Variants in TRABD2B observed in about 807,000 individuals in gnomAD.
TRABD2B encodes metalloprotease TIKI2.
TRABD2B carries 14 observed loss-of-function variants against 40.1 expected under a neutral mutation model. That is an observed-to-expected ratio of 0.35 (90% CI 0.23 to 0.55). The LOEUF is 0.55. Ranked by LOEUF, TRABD2B falls within the 20% of genes least tolerant of loss-of-function variation. TRABD2B has a pLI of 0.90. For synonymous variants in TRABD2B, 263 were observed against 277.0 expected, an observed-to-expected ratio of 0.95 and a Z score of 0.50; for missense variants, 541 against 648.6, an observed-to-expected ratio of 0.83 and a Z score of 1.80.
At chr1:47,885,239 T>C (rs913841565) in intron 2 of TRABD2B, among the ~76,000 whole-genome samples, 6 of 152,246 alleles carry the variant, frequency 3.9e-5, no homozygotes, top group Non-Finnish European at 5.9e-5. Flanking sequence ...CCTACTCACT[T>C]AACCAACTCC....
In TRABD2B at chr1:47,974,108, G is replaced by A. The variant is rs534443296; in HGVS notation, c.666+19926C>T. ...TAGGGAACAGAGTAAGATTCTGTCTGCATCTCCTCCAAAAAGTAAATTAGA... is the reference window on the plus strand; with the variant it reads ...TAGGGAACAGAGTAAGATTCTGTCTACATCTCCTCCAAAAAGTAAATTAGA... On this transcript the variant is annotated intron_variant, in intron 2 of 6. Transcript: ENST00000606738. Among the ~76,000 whole-genome samples the A allele has an allele frequency of 2.6e-4, 39 of 152,236 alleles. 1 individual carries two copies. The South Asian group carries it at 8.1e-3, about 32-fold the overall frequency.
chr1:47,761,699 A>G lies in TRABD2B; in HGVS notation c.*4203T>C, dbSNP rs1289880357. On this transcript the variant is annotated 3_prime_UTR_variant, in exon 7 of 7. Transcript: ENST00000606738. Reference sequence around the variant, plus strand: ...ATGTCAACTCTCCTACCACTTCTTCAGCCAGTGGGCACACTGCCCCTGCTC... The same window carrying G: ...ATGTCAACTCTCCTACCACTTCTTCGGCCAGTGGGCACACTGCCCCTGCTC... 1 of 152,292 alleles carries G rather than the reference A, an allele frequency of 6.6e-6. No homozygotes were observed. Among genetic ancestry groups the G allele is most frequent in the Non-Finnish European group, 1.5e-5 (1 of 68,080 alleles). The allele number at this position is 152,292 out of a possible 1,614,324, so 9.4% of individuals were successfully genotyped here.
At chr1:47,952,842 G>A (rs1291415236) in intron 2 of TRABD2B, among the ~76,000 whole-genome samples, 2 of 152,166 alleles carry the variant, frequency 1.3e-5, no homozygotes, top group Non-Finnish European at 2.9e-5. Flanking sequence ...CTGTCTCCTG[G>A]AGGACACCGA....
At chr1:47,846,695 T>C (rs1181920031) in intron 2 of TRABD2B, among the ~76,000 whole-genome samples, 1 of 152,014 alleles carries the variant, frequency 6.6e-6, no homozygotes, top group African/African-American at 2.4e-5. Context: ...AGACGAAACA[T>C]CTGGGGGACT....
intron 2 of TRABD2B, among the ~76,000 whole-genome samples, chr1:47,951,502 C>T (rs1346228185): frequency 6.6e-6 from 1 of 152,162 alleles, no homozygotes; most frequent in Non-Finnish European, 1.5e-5. Flanking sequence ...CAGGTGGGCC[C>T]GCCTACACTC....
chr1:47,936,517 A>C (rs971945307), intron 2 of TRABD2B, among the ~76,000 whole-genome samples: 1 of 152,240 alleles, frequency 6.6e-6, no homozygotes, highest in African/African-American at 2.4e-5. Flanking sequence ...TGAGGAAGGG[A>C]TAGAACTTCT....
intron 2 of TRABD2B, among the ~76,000 whole-genome samples, chr1:47,948,868 C>A (rs72898184): frequency 0.021 from 3,265 of 152,238 alleles, 57 homozygotes; most frequent in South Asian, 0.067. Context: ...TCCTCATCAC[C>A]CCTCTCTCAC....
At chr1:47,871,520 T>C (rs1644140698) in intron 2 of TRABD2B, among the ~76,000 whole-genome samples, 2 of 152,186 alleles carry the variant, frequency 1.3e-5, no homozygotes. Flanking sequence ...TGAACCGCCC[T>C]GAATGGCCGC....
intron 2 of TRABD2B, among the ~76,000 whole-genome samples, chr1:47,847,643 G>A (rs1645490076): frequency 6.6e-6 from 1 of 152,134 alleles, no homozygotes; most frequent in Non-Finnish European, 1.5e-5. Flanking sequence ...TGCAGCCCTT[G>A]CACATGGATC....
rs116287240 is a variant in TRABD2B, at chr1:47,901,692, G to T, written c.666+92342C>A. On this transcript the variant is annotated intron_variant, in intron 2 of 6. Transcript: ENST00000606738. ...ACTGATATAGATTGATTACAGCCAT[G>T]GGGGCAGACTTCTGGAGAAGAGTGG... 8.4e-3 allele frequency among the ~76,000 whole-genome samples: 1,272 copies of T among 152,304 alleles called. 13 individuals carry two copies. The highest frequency in any genetic ancestry group is 0.034 in the Middle Eastern group (10 of 294).
intron 2 of TRABD2B, among the ~76,000 whole-genome samples, chr1:47,950,746 C>A (rs1379584055): frequency 6.6e-6 from 1 of 152,226 alleles, no homozygotes; most frequent in East Asian, 1.9e-4. Flanking sequence ...TTGCCTCTAC[C>A]AGAGTGGTGG....
intron 2 of TRABD2B, among the ~76,000 whole-genome samples, chr1:47,844,833 T>TA (rs1645446568): frequency 6.6e-6 from 1 of 152,216 alleles, no homozygotes; most frequent in Admixed American, 6.5e-5. Flanking sequence ...TAACAGAAGC[T>TA]GAGATCCTTT....
chr1:47,989,901 G>A (rs1645976416), intron 2 of TRABD2B, among the ~76,000 whole-genome samples: 1 of 152,144 alleles, frequency 6.6e-6, no homozygotes, highest in Non-Finnish European at 1.5e-5. Context: ...TACTTGGCCT[G>A]TCTGTGTAAT....
In TRABD2B at chr1:47,813,875, C is replaced by T. The variant is rs1300006329; in HGVS notation, c.667-12256G>A. Among the ~76,000 whole-genome samples the T allele has an allele frequency of 1.3e-5, 2 of 152,180 alleles. No individual in the cohort carries two copies. The highest frequency in any genetic ancestry group is 2.9e-5 in the Non-Finnish European group (2 of 68,038). On this transcript the variant is annotated intron_variant, in intron 2 of 6. Transcript: ENST00000606738. This position sits in a 1 kb window ranked among gnomAD's most constrained non-coding sequence, Gnocchi z 4.3. ...TGTGCTGGGTGCCAAGGCCATGGGA[C>T]CAAATCAGTACCCTGTCCATCCTTG...
chr1:47,911,659 G>T (rs1644764695), intron 2 of TRABD2B, among the ~76,000 whole-genome samples: 1 of 152,208 alleles, frequency 6.6e-6, no homozygotes, highest in African/African-American at 2.4e-5. Context: ...CGAGCCCCTT[G>T]TGTCCCCTAT....
At chr1:47,832,029 C>T (rs1645256551) in intron 2 of TRABD2B, among the ~76,000 whole-genome samples, 1 of 152,162 alleles carries the variant, frequency 6.6e-6, no homozygotes, top group East Asian at 1.9e-4. Flanking sequence ...TCATGTGAGT[C>T]AGACTCTTAA....
chr1:47,995,329 C>A (rs1646073798), intron 1 of TRABD2B, among the ~76,000 whole-genome samples: 5 of 152,112 alleles, frequency 3.3e-5, no homozygotes, highest in Admixed American at 1.3e-4. Flanking sequence ...AAGGCCAAGT[C>A]AAGTTTCAGA....
intron 2 of TRABD2B, among the ~76,000 whole-genome samples, chr1:47,924,024 T>G (rs778880293): frequency 2.0e-5 from 3 of 151,658 alleles, no homozygotes; most frequent in Non-Finnish European, 4.4e-5. Context: ...GGCCTGAGAT[T>G]TATGGTCTAG....
intron 6 of TRABD2B, among the ~76,000 whole-genome samples, chr1:47,772,146 G>C (rs966692289): frequency 7.9e-5 from 12 of 152,032 alleles, no homozygotes; most frequent in African/African-American, 2.4e-4. Flanking sequence ...GGGTCAGGCA[G>C]GTCTGCCTGA....
Sources: allele counts gnomAD v4.1 joint callset (sites outside exome capture counted in the v4.1 genomes callset), GRCh38; gene constraint gnomAD v4.1.1; non-coding constraint Gnocchi (gnomAD v3.1); transcripts MANE v1.5; gene names NCBI Gene and HGNC (gene_info 2026-07-23, HGNC 2026-07-21).